CLSTN2: variants seen among roughly 807,000 people sequenced by gnomAD.
CLSTN2 encodes calsyntenin 2.
Under a neutral mutation model 101.2 loss-of-function variants are expected in CLSTN2, and 48 were observed. The ratio of observed to expected loss-of-function variants is 0.47; its 90% CI spans 0.38 to 0.60. CLSTN2 has a LOEUF of 0.60. Among genes scored for constraint, CLSTN2 ranks in the 20% least tolerant of loss-of-function variants. CLSTN2 has a pLI of 0.00. For synonymous variants in CLSTN2, 481 were observed against 463.6 expected (o/e 1.04, Z -0.48); for missense variants, 1,160 against 1,238.2 (o/e 0.94, Z 0.95).
intron 1 of CLSTN2, among the ~76,000 whole-genome samples, chr3:139,970,610 G>A (rs147749262): frequency 6.6e-6 from 1 of 152,308 alleles, no homozygotes; most frequent in Non-Finnish European, 1.5e-5. Flanking sequence ...CAAATGACCT[G>A]TAAATGGCTT....
chr3:140,471,467 G>GC (rs1397833746), intron 8 of CLSTN2, among the ~76,000 whole-genome samples: 2 of 152,170 alleles, frequency 1.3e-5, no homozygotes, highest in East Asian at 3.9e-4. Context: ...CTGAAAAATT[G>GC]CAACAAGCAC....
intron 2 of CLSTN2, among the ~76,000 whole-genome samples, chr3:140,189,352 T>G (rs1219594961): frequency 2.0e-5 from 3 of 152,192 alleles, no homozygotes; most frequent in Admixed American, 2.0e-4. Flanking sequence ...CTGTACCATT[T>G]TTACTTTCCC....
At chr3:140,239,604 A>T (rs1280217719) in intron 2 of CLSTN2, among the ~76,000 whole-genome samples, 1 of 152,202 alleles carries the variant, frequency 6.6e-6, no homozygotes, top group Non-Finnish European at 1.5e-5. Flanking sequence ...AGAATTGTCC[A>T]AGTTTTTCCA....
At chr3:139,976,329 A>G (rs1453308623) in intron 1 of CLSTN2, among the ~76,000 whole-genome samples, 2 of 152,198 alleles carry the variant, frequency 1.3e-5, no homozygotes, top group African/African-American at 4.8e-5. Flanking sequence ...ATTTGCCACA[A>G]ATCTGAATAT....
chr3:140,254,070 T>C (rs1364064557), intron 2 of CLSTN2, among the ~76,000 whole-genome samples: 3 of 152,196 alleles, frequency 2.0e-5, no homozygotes, highest in African/African-American at 7.2e-5. Context: ...TGTTCTTTTG[T>C]AGAAATAATA....
At chr3:140,229,617 C>A (rs1404951607) in intron 2 of CLSTN2, among the ~76,000 whole-genome samples, 2 of 151,926 alleles carry the variant, frequency 1.3e-5, no homozygotes, top group Non-Finnish European at 2.9e-5. Context: ...CCCATTCAGG[C>A]AGGCAAGGAA....
At chr3:140,144,581 A>G (rs1393384699) in intron 1 of CLSTN2, among the ~76,000 whole-genome samples, 1 of 151,978 alleles carries the variant, frequency 6.6e-6, no homozygotes, top group Non-Finnish European at 1.5e-5. Context: ...GCGCCACTGC[A>G]CTCCAGCCTG....
chr3:140,134,950 G>A (rs774457926), intron 1 of CLSTN2, among the ~76,000 whole-genome samples: 2 of 151,528 alleles, frequency 1.3e-5, no homozygotes, highest in Non-Finnish European at 2.9e-5. Context: ...GAACATTTTA[G>A]AATATAGAGC....
intron 1 of CLSTN2, among the ~76,000 whole-genome samples, chr3:140,157,589 CT>C (rs1329413510): frequency 6.6e-6 from 1 of 152,156 alleles, no homozygotes; most frequent in Non-Finnish European, 1.5e-5. Flanking sequence ...GTAATGTCAT[CT>C]GTCATTTCTG....
At chr3:140,208,431 A>G (rs540494084) in intron 2 of CLSTN2, among the ~76,000 whole-genome samples, 1 of 152,186 alleles carries the variant, frequency 6.6e-6, no homozygotes, top group Non-Finnish European at 1.5e-5. Context: ...TTAATCTTAC[A>G]GTTATGATTA....
Position 140,569,827 on chromosome 3 carries a change from C to CA in CLSTN2, c.*3575dup, listed in dbSNP as rs1985467875. ...CCGAGTAGCTGGGATTACAGGCATCCACCACCATGCCCAGCTAATTTTTGT... is the reference window on the plus strand; with the variant it reads ...CCGAGTAGCTGGGATTACAGGCATCCAACCACCATGCCCAGCTAATTTTTGT... On this transcript the variant is annotated 3_prime_UTR_variant, in exon 17 of 17. Coordinates refer to ENST00000458420, the MANE Select transcript of CLSTN2 (RefSeq NM_022131.3). The CA allele has an allele frequency of 6.6e-6, 1 of 152,160 alleles. No individual in the cohort carries two copies. The highest frequency in any genetic ancestry group is 6.5e-5 in the Admixed American group (1 of 15,278). 9.4% of individuals were successfully genotyped at this position (152,160 alleles called of 1,614,324 possible). A position where few individuals can be genotyped will look rare whatever the true frequency, so the allele number is the denominator to read the frequency against.
intron 2 of CLSTN2, among the ~76,000 whole-genome samples, chr3:140,367,205 C>A (rs2087800750): frequency 6.6e-6 from 1 of 151,682 alleles, no homozygotes; most frequent in Non-Finnish European, 1.5e-5. Context: ...AACTTAGACG[C>A]TACACTTGAT....
At chr3:140,315,443 A>G (rs2087219126) in intron 2 of CLSTN2, among the ~76,000 whole-genome samples, 2 of 152,112 alleles carry the variant, frequency 1.3e-5, no homozygotes, top group Non-Finnish European at 2.9e-5. Context: ...CCACAGACCA[A>G]TCCATGTTAA....
chr3:140,356,756 CAAAAAAAAAA>C (rs55634580), intron 2 of CLSTN2, among the ~76,000 whole-genome samples: 2 of 111,126 alleles, frequency 1.8e-5, no homozygotes, highest in African/African-American at 7.2e-5. Context: ...GACCTTGTCT[CAAAAAAAAAA>C]AAAAAAAAAG....
intron 1 of CLSTN2, among the ~76,000 whole-genome samples, chr3:139,965,455 CT>C (rs752952271): frequency 3.9e-5 from 6 of 152,188 alleles, no homozygotes; most frequent in Non-Finnish European, 8.8e-5. Context: ...GTATTCTCCA[CT>C]TCTGGGGCCT....
Position 140,571,750 on chromosome 3 carries a change from A to G in CLSTN2, c.*5497A>G, listed in dbSNP as rs952273420. The G allele has an allele frequency of 1.3e-5, 2 of 152,232 alleles. No homozygotes were observed. The highest frequency in any genetic ancestry group is 2.9e-5 in the Non-Finnish European group (2 of 68,024). 9.4% of individuals were successfully genotyped at this position (152,232 alleles called of 1,614,324 possible). On this transcript the variant is annotated 3_prime_UTR_variant, in exon 17 of 17. Transcript: ENST00000458420. ...TGTATTCTATACCTGCTATGTAGAT[A>G]ATGCTCTAGTTTTCCCTTTAGTGCC...
rs182526421 is a variant in CLSTN2, at chr3:140,204,944, C to G, written c.232+28871C>G. 9.2e-5 allele frequency among the ~76,000 whole-genome samples: 14 copies of G among 152,162 alleles called. No homozygotes were observed. In the East Asian group the frequency reaches 2.7e-3, roughly 29 times the overall value. ...CAGTACATTGATGGGCCTCATGACA[C>G]TATTGACTTGCTAATGATTCTTGAG... On this transcript the variant is annotated intron_variant, in intron 2 of 16. Transcript: ENST00000458420.
intron 2 of CLSTN2, among the ~76,000 whole-genome samples, chr3:140,392,917 T>A (rs111484465): frequency 0.026 from 3,952 of 152,130 alleles, 161 homozygotes; most frequent in African/African-American, 0.089. Flanking sequence ...AGGCCCTTCT[T>A]GCCGGTGGGG....
intron 5 of CLSTN2, among the ~76,000 whole-genome samples, chr3:140,444,905 G>T (rs1049196889): frequency 2.0e-5 from 3 of 152,202 alleles, no homozygotes; most frequent in Non-Finnish European, 2.9e-5. Flanking sequence ...GACATTTCTT[G>T]TGGTAAAGCC....
Sources: gnomAD v4.1 joint callset for allele counts (sites outside exome capture counted in the v4.1 genomes callset) on GRCh38, gnomAD v4.1.1 for gene constraint, MANE v1.5 for transcripts, NCBI Gene and HGNC (gene_info 2026-07-23, HGNC 2026-07-21) for gene names.